Variants in ITGAL observed in about 807,000 individuals in gnomAD.
The protein encoded by ITGAL is integrin alpha-L.
A neutral mutation model predicts 138.4 loss-of-function variants in ITGAL; 68 were observed. That is an observed-to-expected ratio of 0.49 (90% CI 0.40 to 0.60). The LOEUF (loss-of-function observed/expected upper bound fraction) is 0.60. ITGAL is among the 20% of genes least tolerant of loss of function. The pLI is 0.00. For missense variants in ITGAL, 1,256 were observed against 1,478.6 expected (o/e 0.85, Z 2.47); for synonymous variants, 561 against 584.3 (o/e 0.96, Z 0.57).
intron 1 of ITGAL, chr16:30,473,854 G>T: frequency 2.1e-6 from 1 of 473,832 alleles, no homozygotes; most frequent in South Asian, 1.6e-5. Flanking sequence ...CGGCTCGGGG[G>T]CATCCCCATC....
At chr16:30,480,559 C>A (rs924158649) in intron 6 of ITGAL, 1 of 152,106 alleles carries the variant, frequency 6.6e-6, no homozygotes, top group Non-Finnish European at 1.5e-5. Context: ...CATAGGTGGA[C>A]CCAGAAAACA....
chr16:30,475,060 T>C (rs2050451308), intron 2 of ITGAL, among the ~76,000 whole-genome samples: 1 of 152,008 alleles, frequency 6.6e-6, no homozygotes, highest in South Asian at 2.1e-4. Flanking sequence ...GGTTTCACCA[T>C]ATTGGCCAGG....
At chr16:30,498,248 C>T (rs2050833240) in intron 15 of ITGAL, among the ~76,000 whole-genome samples, 1 of 141,198 alleles carries the variant, frequency 7.1e-6, no homozygotes, top group African/African-American at 2.7e-5. Context: ...TTGCTTGAGC[C>T]CAAGAGGAGG....
At chr16:30,487,495 A>C (rs984297021) in intron 9 of ITGAL, among the ~76,000 whole-genome samples, 4 of 149,022 alleles carry the variant, frequency 2.7e-5, no homozygotes, top group African/African-American at 9.9e-5. Context: ...CTGCAACCTC[A>C]GCCTCCTCGG....
chr16:30,505,587 G>T, intron 20 of ITGAL, 125 bp downstream of exon 20: 2 of 745,638 alleles, frequency 2.7e-6, no homozygotes, highest in Non-Finnish European at 4.6e-6. Flanking sequence ...CCTTTTCTGA[G>T]AAATTTGAGG....
intron 20 of ITGAL, 43 bp from the exon 21 acceptor site, chr16:30,506,672 C>A: frequency 6.3e-7 from 1 of 1,577,214 alleles, no homozygotes; most frequent in Non-Finnish European, 8.7e-7. Context: ...TATTCCCCAC[C>A]CTGATCCTCC....
intron 21 of ITGAL, chr16:30,509,368 G>T (rs1456471042): frequency 6.6e-6 from 1 of 151,996 alleles, no homozygotes; most frequent in Non-Finnish European, 1.5e-5. Flanking sequence ...TACAAAATTG[G>T]GATGAAGATG....
At position 30,479,222 on chromosome 16, in the gene ITGAL, G is replaced by T; in HGVS notation, c.445+14G>T. ...CTGGTTTTCAGGGTAAGGAACTGGG[G>T]ACTCATTGGGTAAAAATACCTCCAA... is the stretch of plus-strand genomic sequence containing the variant. On this transcript the variant is annotated intron_variant, in intron 5 of 30. Coordinates refer to ENST00000356798, the MANE Select transcript of ITGAL (RefSeq NM_002209.3). 6.2e-7 allele frequency: 1 copy of T among 1,613,554 alleles called. No individual in the cohort carries two copies. Among genetic ancestry groups the T allele is most frequent in the Non-Finnish European group, 8.5e-7 (1 of 1,179,576 alleles).
Position 30,505,442 on chromosome 16 carries a change from A to G in ITGAL, c.2346A>G (p.Arg782=). The change falls in exon 20 of 31, where the codon AGA becomes AGG. Residue 782 remains arginine, a synonymous_variant. Transcript: ENST00000356798. ...GEDKKCEANL[R]VSFSPARSRA... ...ACAAGAAGTGTGAGGCAAACTTGAG[A>G]GTGTCCTTCTCTCCTGCAAGGTCAG... is the stretch of plus-strand genomic sequence containing the variant. 1 of 1,613,842 alleles carries G rather than the reference A, an allele frequency of 6.2e-7. No homozygotes were observed. The highest frequency in any genetic ancestry group is 1.3e-5 in the African/African-American group (1 of 74,992).
chr16:30,483,911 C>G lies in ITGAL; in HGVS notation c.807C>G (p.Asp269Glu). The stretch of plus-strand genomic sequence containing the variant: ...TCATCACGGATGGGGAGGCCACTGA[C>G]AGTGGCAACATCGATGCGGCCAAAG... The part of the protein sequence containing the change: ...LIIITDGEAT[D>E]SGNIDAAKDI... Residue 269 changes from aspartate to glutamate, a missense_variant, in exon 8 of 31, where the codon GAC (aspartate) becomes GAG (glutamate). By Grantham distance (45) the Asp-to-Glu change is conservative. Coordinates refer to ENST00000356798, the MANE Select transcript of ITGAL (RefSeq NM_002209.3). 6.2e-7 allele frequency: 1 copy of G among 1,614,140 alleles called. No individual in the cohort carries two copies. The highest frequency in any genetic ancestry group is 8.5e-7 in the Non-Finnish European group (1 of 1,180,012).
chr16:30,479,452 T>A lies in ITGAL; in HGVS notation c.567T>A (p.Thr189=). The change falls in exon 6 of 31, where the codon ACT becomes ACA. Residue 189 remains threonine, a synonymous_variant. Transcript: ENST00000356798. ...MKDVMKKLSN[T]SYQFAAVQFS... is the part of the protein sequence containing the mutation. ...ATGTGATGAAGAAACTCAGCAACAC[T>A]TCGTACCAGGTAAAAAAGTTAGTTA... The A allele has an allele frequency of 6.2e-7, 1 of 1,614,018 alleles. No individual in the cohort carries two copies. Among genetic ancestry groups the A allele is most frequent in the Non-Finnish European group, 8.5e-7 (1 of 1,179,984 alleles).
Position 30,492,243 on chromosome 16 carries a change from T to C in ITGAL, c.1214-1969T>C, listed in dbSNP as rs531768965. 4.8e-4 allele frequency among the ~76,000 whole-genome samples: 66 copies of C among 136,842 alleles called. 2 individuals carry two copies. The Admixed American group carries it at 5.1e-3, about 10-fold the overall frequency. 89.8% of individuals were successfully genotyped at this position (136,842 alleles called of 152,430 possible). On this transcript the variant is annotated intron_variant, in intron 11 of 30. Transcript: ENST00000356798. ...TGAAGACAGCCTGACACTGACATGATATCTTTTTTTTCTTTTTTTTTTTTT... is the reference window on the plus strand; with the variant it reads ...TGAAGACAGCCTGACACTGACATGACATCTTTTTTTTCTTTTTTTTTTTTT...
chr16:30,494,613 A>G lies in ITGAL; in HGVS notation c.1366-100A>G, dbSNP rs1428255279. The G allele has an allele frequency of 7.1e-7, 1 of 1,405,258 alleles. No homozygotes were observed. Among genetic ancestry groups the G allele is most frequent in the East Asian group, 2.4e-5 (1 of 41,496 alleles). The allele number at this position is 1,405,258 out of a possible 1,614,324, so 87.0% of individuals were successfully genotyped here. On this transcript the variant is annotated intron_variant, in intron 12 of 30. Coordinates refer to ENST00000356798, the MANE Select transcript of ITGAL (RefSeq NM_002209.3). This position sits in a 1 kb window ranked among gnomAD's most constrained non-coding sequence, Gnocchi z 4.2. ...GGGTGGATCCAAGATTGGAACCTGC[A>G]TTTGAGGGAGTGGCACAAGATGAAC...
intron 9 of ITGAL, among the ~76,000 whole-genome samples, chr16:30,488,702 CAAAAAAAAA>C (rs34533619): frequency 2.1e-3 from 120 of 57,692 alleles, no homozygotes; most frequent in Middle Eastern, 9.1e-3. Context: ...GACTCCATCT[CAAAAAAAAA>C]AAAAAAAAAA....
Position 30,494,575 on chromosome 16 carries a change from G to A in ITGAL, c.1366-138G>A, listed in dbSNP as rs2050773335. On this transcript the variant is annotated intron_variant, in intron 12 of 30. Coordinates refer to ENST00000356798, the MANE Select transcript of ITGAL (RefSeq NM_002209.3). The surrounding 1 kb of genome is among the most constrained non-coding windows in gnomAD (Gnocchi z 4.2). Reference sequence around the variant, plus strand: ...CTCAAAGAGCCCACCTTGTCTTAACGCACATAGACTAGGGGTGGATCCAAG... The same window carrying A: ...CTCAAAGAGCCCACCTTGTCTTAACACACATAGACTAGGGGTGGATCCAAG... 6 of 1,182,122 alleles carry A rather than the reference G, an allele frequency of 5.1e-6. No individual in the cohort carries two copies. In the South Asian group the frequency reaches 5.2e-5, roughly 10 times the overall value. 73.2% of individuals were successfully genotyped at this position (1,182,122 alleles called of 1,614,324 possible).
chr16:30,492,029 C>T (rs1333117366), intron 11 of ITGAL, among the ~76,000 whole-genome samples: 1 of 152,098 alleles, frequency 6.6e-6, no homozygotes, highest in Non-Finnish European at 1.5e-5. Flanking sequence ...CTGTTTTCTT[C>T]ACTCACTTTC....
intron 24 of ITGAL, 76 bp from the exon 25 acceptor site, chr16:30,513,695 C>T: frequency 9.3e-7 from 1 of 1,073,584 alleles, no homozygotes; most frequent in Non-Finnish European, 1.5e-6. Flanking sequence ...AGCACAGTGG[C>T]TGGGCGCTCA....
chr16:30,500,039 G>A (rs1280727977), intron 17 of ITGAL, among the ~76,000 whole-genome samples: 2 of 146,438 alleles, frequency 1.4e-5, no homozygotes, highest in Admixed American at 6.9e-5. Flanking sequence ...ATGAGCCATC[G>A]CTCCTGGCCT....
chr16:30,510,577 G>T, intron 22 of ITGAL, 106 bp downstream of exon 22: 3 of 722,860 alleles, frequency 4.2e-6, no homozygotes, highest in Non-Finnish European at 7.4e-6. Flanking sequence ...TGTCAAGAAG[G>T]GTGTACCTTG....
Sources: gnomAD v4.1 joint callset for allele counts (sites outside exome capture counted in the v4.1 genomes callset) on GRCh38, gnomAD v4.1.1 for gene constraint, Gnocchi (gnomAD v3.1) non-coding constraint, MANE v1.5 for transcripts, NCBI Gene and HGNC (gene_info 2026-07-23, HGNC 2026-07-21) for gene names.